MAMLD1: variants seen among roughly 807,000 people sequenced by gnomAD.
MAMLD1 encodes mastermind-like domain-containing protein 1.
A neutral mutation model predicts 45.0 loss-of-function variants in MAMLD1; 14 were observed. That is an observed-to-expected ratio of 0.31 (90% CI 0.21 to 0.49). The LOEUF (loss-of-function observed/expected upper bound fraction) is 0.49, where lower values mean the gene tolerates loss of function less well. Ranked by LOEUF, MAMLD1 falls within the 20% of genes least tolerant of loss-of-function variation. The pLI is 0.99. For synonymous variants in MAMLD1, 254 were observed against 247.8 expected, an observed-to-expected ratio of 1.02 and a Z score of -0.24; for missense variants, 543 against 603.6, an observed-to-expected ratio of 0.90 and a Z score of 1.05.
At chrX:150,454,943 A>G (rs1476727004) in intron 2 of MAMLD1, among the ~76,000 whole-genome samples, 1 of 110,813 alleles carries the variant, frequency 9.0e-6, no homozygotes, top group Non-Finnish European at 1.9e-5. Flanking sequence ...CTCTACCATT[A>G]CCATGATTAC....
chrX:150,426,936 T>G (rs952000001), intron 1 of MAMLD1, among the ~76,000 whole-genome samples: 3 of 112,142 alleles, frequency 2.7e-5, no homozygotes, highest in African/African-American at 9.7e-5. Context: ...GCATCAGAAT[T>G]GATTGTCTCA....
In MAMLD1 at chrX:150,445,629, TG is replaced by T; in HGVS notation, c.96+23del. 1 of 1,065,434 alleles carries T rather than the reference TG, an allele frequency of 9.4e-7. No homozygotes were observed. Among genetic ancestry groups the T allele is most frequent in the South Asian group, 1.9e-5 (1 of 53,227 alleles). 87.8% of individuals were successfully genotyped at this position (1,065,434 alleles called of 1,213,427 possible). A position where few individuals can be genotyped will look rare whatever the true frequency, so the allele number is the denominator to read the frequency against. On this transcript the variant is annotated intron_variant, in intron 2 of 7. Transcript: ENST00000370401. ...CAGGAATCGGTCAGACAATGGGCCA[TG>T]GGGGGAGGGGGGTATTTAATGCTTC...
chrX:150,460,449 CTT>C (rs2036000140), intron 2 of MAMLD1, among the ~76,000 whole-genome samples: 1 of 112,290 alleles, frequency 8.9e-6, no homozygotes, highest in African/African-American at 3.2e-5. Context: ...TATCAATTCT[CTT>C]GGGAAGAGCC....
rs896955829 is a variant in MAMLD1, at chrX:150,471,309, C to T, written c.1736C>T (p.Thr579Met). The T allele has an allele frequency of 3.3e-6, 4 of 1,211,509 alleles. No homozygotes were observed. Among genetic ancestry groups the T allele is most frequent in the Non-Finnish European group, 4.5e-6 (4 of 895,425 alleles). The change falls in exon 4 of 8, where the codon ACG becomes ATG. Residue 579 changes from threonine to methionine, a missense_variant. Thr to Met is a moderately conservative substitution (Grantham distance 81, BLOSUM62 -1). Transcript: ENST00000370401. ...LLHYLQQPTP[T>M]QASSATASST... ...CACTACCTGCAGCAGCCGACACCAA[C>T]GCAGGCCTCCTCAGCCACTGCCTCC...
rs191320840 is a variant in MAMLD1, at chrX:150,481,610, G to A, written c.2040+7808G>A. ...TTTGAGAAGCCGAGGTGGGAGGATCGCTTGAGGCCAGGAGTTCAATGCCAG... is the reference window on the plus strand; with the variant it reads ...TTTGAGAAGCCGAGGTGGGAGGATCACTTGAGGCCAGGAGTTCAATGCCAG... On this transcript the variant is annotated intron_variant, in intron 5 of 7. Coordinates refer to ENST00000370401, the MANE Select transcript of MAMLD1 (RefSeq NM_005491.5). 7.2e-5 allele frequency among the ~76,000 whole-genome samples: 8 copies of A among 111,037 alleles called. No individual in the cohort carries two copies. In the East Asian group the frequency reaches 1.4e-3, roughly 20 times the overall value.
At chrX:150,482,804 A>G (rs1411486203) in intron 5 of MAMLD1, among the ~76,000 whole-genome samples, 2 of 112,681 alleles carry the variant, frequency 1.8e-5, no homozygotes, top group Non-Finnish European at 3.7e-5. Flanking sequence ...AAAATTGAGC[A>G]TAATGGCTGT....
chrX:150,510,436 T>A (rs2037863826), intron 7 of MAMLD1, among the ~76,000 whole-genome samples: 1 of 111,532 alleles, frequency 9.0e-6, no homozygotes, highest in African/African-American at 3.3e-5. Flanking sequence ...CCATTTCTAA[T>A]GGGTTCCTGG....
At chrX:150,452,218 GA>G (rs782420987) in intron 2 of MAMLD1, among the ~76,000 whole-genome samples, 2 of 112,152 alleles carry the variant, frequency 1.8e-5, no homozygotes, top group East Asian at 5.6e-4. Context: ...CCTTACACAG[GA>G]AATGGGAAAA....
upstream of MAMLD1, among the ~76,000 whole-genome samples, chrX:150,362,053 G>A (rs1389953612): frequency 1.8e-5 from 2 of 112,454 alleles, no homozygotes; most frequent in Non-Finnish European, 3.8e-5. Context: ...AGTGGGGAGT[G>A]GGGCACTCGG....
intron 3 of MAMLD1, among the ~76,000 whole-genome samples, chrX:150,466,456 C>G (rs1265694728): frequency 1.8e-5 from 2 of 112,262 alleles, no homozygotes; most frequent in Non-Finnish European, 3.8e-5. Flanking sequence ...TTGCAGCTTG[C>G]CACTCTGCCA....
intron 6 of MAMLD1, chrX:150,504,387 C>T (rs782277489): frequency 8.5e-4 from 642 of 752,487 alleles, no homozygotes; most frequent in Non-Finnish European, 9.8e-4. Flanking sequence ...TCCCAGGATT[C>T]TGGCCTTTAA....
intron 1 of MAMLD1, among the ~76,000 whole-genome samples, chrX:150,382,313 T>C (rs1266577173): frequency 9.0e-6 from 1 of 111,721 alleles, no homozygotes; most frequent in Non-Finnish European, 1.9e-5. Context: ...GGTCTATTTC[T>C]GGGCTCCTTA....
intron 2 of MAMLD1, among the ~76,000 whole-genome samples, chrX:150,456,215 A>G (rs1307355555): frequency 1.8e-5 from 2 of 109,502 alleles, no homozygotes; most frequent in Non-Finnish European, 3.8e-5. Flanking sequence ...ACCACTATAC[A>G]TGCCTGGGGT....
chrX:150,422,135 A>C (rs1157434193), intron 1 of MAMLD1, among the ~76,000 whole-genome samples: 1 of 112,597 alleles, frequency 8.9e-6, no homozygotes, highest in Admixed American at 9.4e-5. Flanking sequence ...TTGAAACCTC[A>C]GTGATGTCGG....
intron 5 of MAMLD1, among the ~76,000 whole-genome samples, chrX:150,494,261 G>T (rs2037291116): frequency 9.0e-6 from 1 of 111,524 alleles, no homozygotes; most frequent in Non-Finnish European, 1.9e-5. Flanking sequence ...GGTCGTGGTG[G>T]TGCCTGCCTG....
At chrX:150,365,499 C>T (rs1286052604) in intron 1 of MAMLD1, among the ~76,000 whole-genome samples, 1 of 113,249 alleles carries the variant, frequency 8.8e-6, no homozygotes, top group Admixed American at 9.2e-5. Context: ...CCGATGCGCT[C>T]GCCGGGCTCG....
At chrX:150,388,080 A>T (rs1250500423) in intron 1 of MAMLD1, among the ~76,000 whole-genome samples, 2 of 111,935 alleles carry the variant, frequency 1.8e-5, no homozygotes, top group East Asian at 5.5e-4. Context: ...TCTAGAAGAC[A>T]TTATGTAAAA....
At chrX:150,422,160 G>A (rs189904357) in intron 1 of MAMLD1, among the ~76,000 whole-genome samples, 1 of 112,537 alleles carries the variant, frequency 8.9e-6, no homozygotes, top group Non-Finnish European at 1.9e-5. Flanking sequence ...TCTTTAAGGA[G>A]AGGCGGTCAC....
Position 150,456,081 on chromosome X carries a change from G to C in MAMLD1, c.97-6691G>C, listed in dbSNP as rs2035855224. Among the ~76,000 whole-genome samples the C allele has an allele frequency of 2.7e-5, 3 of 111,457 alleles. No individual in the cohort carries two copies. The Admixed American group carries it at 2.8e-4, about 11-fold the overall frequency. On this transcript the variant is annotated intron_variant, in intron 2 of 7. Transcript: ENST00000370401. The stretch of plus-strand genomic sequence containing the variant: ...CAAAATATCGTGGCTGAAACTAAAA[G>C]TGATTTTTTATCCTCAGTCTAAGTG...
Sources: gnomAD v4.1 joint callset for allele counts (sites outside exome capture counted in the v4.1 genomes callset) on GRCh38, gnomAD v4.1.1 for gene constraint, MANE v1.5 for transcripts, NCBI Gene and HGNC (gene_info 2026-07-23, HGNC 2026-07-21) for gene names.